MAST4: variants seen among roughly 807,000 people sequenced by gnomAD.
MAST4 encodes microtubule associated serine/threonine kinase family member 4, also known as microtubule-associated serine/threonine-protein kinase 4.
MAST4 carries 89 observed loss-of-function variants against 162.7 expected under a neutral mutation model. The ratio of observed to expected loss-of-function variants is 0.55; its 90% confidence interval spans 0.46 to 0.65. MAST4 has a LOEUF of 0.65. MAST4 is among the 30% of genes least tolerant of loss of function. The probability of loss-of-function intolerance (pLI) is 0.00; values close to 1 mark genes in which losing one functional copy is unlikely to be tolerated. For missense variants in MAST4, 3,153 were observed against 3,374.0 expected (o/e 0.93, Z 1.62); for synonymous variants, 1,479 against 1,361.1 (o/e 1.09, Z -1.91).
chr5:66,939,300 C>G (rs1315675249), intron 4 of MAST4, among the ~76,000 whole-genome samples: 1 of 152,076 alleles, frequency 6.6e-6, no homozygotes, highest in Non-Finnish European at 1.5e-5. Flanking sequence ...AACTGGAAAA[C>G]AGGTTAATAG....
intron 1 of MAST4, among the ~76,000 whole-genome samples, chr5:66,661,302 C>G (rs1746894545): frequency 6.6e-6 from 1 of 152,168 alleles, no homozygotes; most frequent in Non-Finnish European, 1.5e-5. Context: ...TCCTGGTCTT[C>G]AGATGATTGC....
chr5:66,930,132 A>G (rs748233499), intron 4 of MAST4, among the ~76,000 whole-genome samples: 2 of 152,192 alleles, frequency 1.3e-5, no homozygotes, highest in African/African-American at 4.8e-5. Flanking sequence ...GTGCCATGGT[A>G]TCTTTTCCCC....
intron 5 of MAST4, among the ~76,000 whole-genome samples, chr5:67,068,354 A>C (rs925317068): frequency 6.6e-6 from 1 of 152,198 alleles, no homozygotes; most frequent in African/African-American, 2.4e-5. Flanking sequence ...ACTTACAATC[A>C]TGGCGGAAGG....
intron 3 of MAST4, among the ~76,000 whole-genome samples, chr5:66,890,894 A>AAG (rs1762322393): frequency 1.3e-5 from 2 of 152,226 alleles, no homozygotes. Flanking sequence ...AAGTTTAAAT[A>AAG]AGATAATGTA....
chr5:67,088,901 G>C (rs757572251), intron 5 of MAST4, among the ~76,000 whole-genome samples: 5 of 152,180 alleles, frequency 3.3e-5, no homozygotes, highest in African/African-American at 1.2e-4. Context: ...TTTCGGTAGA[G>C]ATATAGCCAG....
At chr5:66,752,212 A>G (rs1413517494) in intron 1 of MAST4, among the ~76,000 whole-genome samples, 25 of 152,212 alleles carry the variant, frequency 1.6e-4, no homozygotes, top group African/African-American at 6.0e-4. Context: ...AAAGACCGTC[A>G]AGACTAGAAA....
intron 3 of MAST4, among the ~76,000 whole-genome samples, chr5:66,872,641 A>G (rs1761023563): frequency 6.6e-6 from 1 of 152,220 alleles, no homozygotes; most frequent in East Asian, 1.9e-4. Context: ...AAGTCCCGGG[A>G]GTTCTGTTGG....
intron 1 of MAST4, among the ~76,000 whole-genome samples, chr5:66,747,560 C>G (rs1179986101): frequency 6.6e-6 from 1 of 152,076 alleles, no homozygotes; most frequent in Non-Finnish European, 1.5e-5. Flanking sequence ...CTTACCAAAC[C>G]TTTGGTGGCA....
At chr5:67,069,390 C>T (rs1174054656) in intron 5 of MAST4, among the ~76,000 whole-genome samples, 1 of 150,434 alleles carries the variant, frequency 6.6e-6, no homozygotes, top group African/African-American at 2.5e-5. Flanking sequence ...TTCTTTCACC[C>T]TGTGTTCTCA....
chr5:66,726,715 A>G (rs1189871367), intron 1 of MAST4, among the ~76,000 whole-genome samples: 1 of 152,106 alleles, frequency 6.6e-6, no homozygotes, highest in Non-Finnish European at 1.5e-5. Context: ...CGAGCAAATG[A>G]GCATTATCAC....
intron 10 of MAST4, among the ~76,000 whole-genome samples, chr5:67,105,182 C>T (rs1242336900): frequency 6.6e-6 from 1 of 152,108 alleles, no homozygotes; most frequent in Non-Finnish European, 1.5e-5. Context: ...GAATGGAATG[C>T]ATGTATAATA....
At chr5:66,727,042 TG>T (rs1247249333) in intron 1 of MAST4, among the ~76,000 whole-genome samples, 2 of 152,064 alleles carry the variant, frequency 1.3e-5, no homozygotes, top group African/African-American at 4.8e-5. Flanking sequence ...TAGGAAGTGG[TG>T]TGCACAGGGA....
intron 4 of MAST4, among the ~76,000 whole-genome samples, chr5:67,042,272 A>G (rs1756846048): frequency 1.3e-5 from 2 of 152,130 alleles, no homozygotes; most frequent in Admixed American, 6.6e-5. Flanking sequence ...TTCCAGACCT[A>G]AAATTCTGTT....
At chr5:66,771,337 G>A (rs1484205891) in intron 2 of MAST4, among the ~76,000 whole-genome samples, 1 of 151,900 alleles carries the variant, frequency 6.6e-6, no homozygotes, top group Non-Finnish European at 1.5e-5. Context: ...GGCACCCGCC[G>A]CCACACCCGG....
intron 4 of MAST4, among the ~76,000 whole-genome samples, chr5:66,985,709 G>C (rs190836732): frequency 3.2e-4 from 49 of 152,276 alleles, no homozygotes; most frequent in Non-Finnish European, 5.6e-4. Context: ...GTGGAACAAG[G>C]GTGTATGGGG....
At chr5:67,120,425 T>C (rs950954396) in intron 13 of MAST4, among the ~76,000 whole-genome samples, 4 of 152,238 alleles carry the variant, frequency 2.6e-5, no homozygotes, top group Admixed American at 1.3e-4. Flanking sequence ...AGAATTTTTT[T>C]AAAGCATTTT....
In MAST4 at chr5:66,738,447, T is replaced by C. The variant is rs1308238162; in HGVS notation, c.364-21262T>C. Among the ~76,000 whole-genome samples the C allele has an allele frequency of 2.0e-5, 3 of 152,216 alleles. No homozygotes were observed. The East Asian group carries it at 5.8e-4, about 29-fold the overall frequency. Reference sequence around the variant, plus strand: ...GCCCAAAAGAGTTTACTTGGCACTATTGGCTTTCATACCTGCTATGTGCCA... The same window carrying C: ...GCCCAAAAGAGTTTACTTGGCACTACTGGCTTTCATACCTGCTATGTGCCA... On this transcript the variant is annotated intron_variant, in intron 1 of 28. Coordinates refer to ENST00000403625, the MANE Select transcript of MAST4 (RefSeq NM_001164664.2).
intron 1 of MAST4, among the ~76,000 whole-genome samples, chr5:66,636,241 C>T (rs911236726): frequency 1.2e-4 from 19 of 152,066 alleles, no homozygotes; most frequent in Admixed American, 3.9e-4. Context: ...CAGGCGTGAG[C>T]CACCGTGCCT....
At chr5:66,915,803 C>A (rs1344194637) in intron 4 of MAST4, among the ~76,000 whole-genome samples, 1 of 152,226 alleles carries the variant, frequency 6.6e-6, no homozygotes, top group Admixed American at 6.5e-5. Flanking sequence ...TGGCTGCAGG[C>A]TTCCTTCCTG....
Sources: gnomAD v4.1 joint callset for allele counts (sites outside exome capture counted in the v4.1 genomes callset) on GRCh38, gnomAD v4.1.1 for gene constraint, MANE v1.5 for transcripts, NCBI Gene and HGNC (gene_info 2026-07-23, HGNC 2026-07-21) for gene names.